The following EIF4E variants were observed in gnomAD, a reference collection of about 807,000 sequenced individuals.
EIF4E encodes eukaryotic translation initiation factor 4E.
For missense variants in EIF4E, 113 were observed against 265.6 expected (o/e 0.43, Z 3.99); for synonymous variants, 71 against 88.5 (o/e 0.80, Z 1.11).
chr4:98,919,408 T>C (rs1408207286), intron 1 of EIF4E, among the ~76,000 whole-genome samples: 2 of 151,820 alleles, frequency 1.3e-5, no homozygotes, highest in African/African-American at 2.4e-5. Context: ...TAACTATCTT[T>C]CAAAGTTTAA....
At chr4:98,886,809 A>AT in intron 5 of EIF4E, 1 of 423,208 alleles carries the variant, frequency 2.4e-6, no homozygotes, top group Non-Finnish European at 4.4e-6. Flanking sequence ...AGGTTCTATA[A>AT]TTTTGAGGTT....
chr4:98,885,790 A>G (rs1723891212), intron 5 of EIF4E, among the ~76,000 whole-genome samples: 1 of 152,192 alleles, frequency 6.6e-6, no homozygotes, highest in South Asian at 2.1e-4. Flanking sequence ...CATAAAATTT[A>G]CCATTTTAAC....
chr4:98,928,158 A>T (rs1721289490), intron 1 of EIF4E, among the ~76,000 whole-genome samples: 1 of 152,204 alleles, frequency 6.6e-6, no homozygotes, highest in African/African-American at 2.4e-5. Context: ...ACCCATTCGC[A>T]TTCTCTGAGG....
At chr4:98,898,224 G>C (rs1013129351) in intron 2 of EIF4E, among the ~76,000 whole-genome samples, 6 of 152,130 alleles carry the variant, frequency 3.9e-5, no homozygotes, top group Admixed American at 3.3e-4. Flanking sequence ...CCTGTGTGAG[G>C]CTGTATTGTC....
chr4:98,879,938 C>T lies in EIF4E; in HGVS notation c.*1090G>A, dbSNP rs796809543. 6.6e-6 allele frequency: 1 copy of T among 152,284 alleles called. No individual in the cohort carries two copies. Among genetic ancestry groups the T allele is most frequent in the East Asian group, 1.9e-4 (1 of 5,194 alleles). The allele number at this position is 152,284 out of a possible 1,614,324, so 9.4% of individuals were successfully genotyped here. ...AAACATAATAATCAAACTAGTGCTCCAAACTTATGCTGTTCACATGGAAGA... is the reference window on the plus strand; with the variant it reads ...AAACATAATAATCAAACTAGTGCTCTAAACTTATGCTGTTCACATGGAAGA... On this transcript the variant is annotated 3_prime_UTR_variant, in exon 7 of 7. Transcript: ENST00000450253.
chr4:98,905,594 C>T (rs1724838672), intron 1 of EIF4E, among the ~76,000 whole-genome samples: 1 of 151,882 alleles, frequency 6.6e-6, no homozygotes, highest in Non-Finnish European at 1.5e-5. Context: ...GCAATGAAAG[C>T]CATTAACTAG....
At chr4:98,928,137 G>A (rs1399187125) in intron 1 of EIF4E, among the ~76,000 whole-genome samples, 1 of 152,214 alleles carries the variant, frequency 6.6e-6, no homozygotes, top group Admixed American at 6.5e-5. Flanking sequence ...CGGAAGAACA[G>A]AGGGATTGAG....
At chr4:98,919,260 G>A (rs949115996) in intron 1 of EIF4E, among the ~76,000 whole-genome samples, 8 of 150,636 alleles carry the variant, frequency 5.3e-5, no homozygotes, top group African/African-American at 1.9e-4. Context: ...ACCCGAGATC[G>A]TGCCACTGCA....
At chr4:98,893,761 C>A (rs190913706) in intron 2 of EIF4E, among the ~76,000 whole-genome samples, 17 of 152,346 alleles carry the variant, frequency 1.1e-4, no homozygotes, top group African/African-American at 4.1e-4. Context: ...AACTCTTGTT[C>A]ATGTTGATAT....
At position 98,885,291 on chromosome 4, in the gene EIF4E, T is replaced by C. The variant is rs553289886; in HGVS notation, c.400-230A>G. Among the ~76,000 whole-genome samples, 20 of 152,374 alleles carry C rather than the reference T, an allele frequency of 1.3e-4. No homozygotes were observed. In the South Asian group the frequency reaches 3.9e-3, roughly 30 times the overall value. On this transcript the variant is annotated intron_variant, in intron 5 of 6. Transcript: ENST00000450253. Reference sequence around the variant, plus strand: ...TCAGCAAATTTGGCAGTTAATGTCATGGCAGACATAAAAGCTGATTTTATT... The same window carrying C: ...TCAGCAAATTTGGCAGTTAATGTCACGGCAGACATAAAAGCTGATTTTATT...
chr4:98,928,606 G>A (rs1225200900), intron 1 of EIF4E, among the ~76,000 whole-genome samples: 1 of 152,040 alleles, frequency 6.6e-6, no homozygotes, highest in Non-Finnish European at 1.5e-5. Context: ...TAAGGAAGAC[G>A]TGCGCGCGCC....
At chr4:98,927,654 CAAAAAAAAAAAAAAAAAAAAA>C (rs774720176) in intron 1 of EIF4E, among the ~76,000 whole-genome samples, 1 of 35,050 alleles carries the variant, frequency 2.9e-5, no homozygotes, top group Non-Finnish European at 5.4e-5. Context: ...GACTCCATCT[CAAAAAAAAAAAAAAAAAAAAA>C]AAAAAAAAAA....
chr4:98,887,058 T>C lies in EIF4E; in HGVS notation c.399+21A>G. 1 of 1,610,180 alleles carries C rather than the reference T, an allele frequency of 6.2e-7. No homozygotes were observed. On this transcript the variant is annotated intron_variant, in intron 5 of 6. Transcript: ENST00000450253. The surrounding 1 kb of genome is among the most constrained non-coding windows in gnomAD (Gnocchi z 4.0). ...ATTCCAAAACTACCTCTAAAACTGC[T>C]TTATACTTTTAAAACCTTACTGTCT...
intron 2 of EIF4E, among the ~76,000 whole-genome samples, chr4:98,898,005 G>A (rs909108737): frequency 1.3e-5 from 2 of 151,972 alleles, no homozygotes; most frequent in African/African-American, 4.8e-5. Context: ...CAGACCAATG[G>A]ATTTTAATGT....
At chr4:98,883,701 T>C (rs996183924) in intron 6 of EIF4E, among the ~76,000 whole-genome samples, 1 of 151,742 alleles carries the variant, frequency 6.6e-6, no homozygotes, top group South Asian at 2.1e-4. Context: ...CTGCGCCTGG[T>C]GTCAAATATT....
intron 2 of EIF4E, among the ~76,000 whole-genome samples, chr4:98,896,504 A>AAC (rs1553932076): frequency 5.4e-5 from 8 of 148,890 alleles, no homozygotes; most frequent in African/African-American, 9.9e-5. Context: ...AAAAAAAAAA[A>AAC]AAAAAACACC....
At chr4:98,896,495 A>AAAAAAAG in intron 2 of EIF4E, among the ~76,000 whole-genome samples, 1 of 147,786 alleles carries the variant, frequency 6.8e-6, no homozygotes, top group African/African-American at 2.5e-5. Flanking sequence ...TCAAAAAAAA[A>AAAAAAAG]AAAAAAAAAA....
chr4:98,886,956 C>A, intron 5 of EIF4E, 123 bp downstream of exon 5: 1 of 981,626 alleles, frequency 1.0e-6, no homozygotes, highest in Non-Finnish European at 1.6e-6. Flanking sequence ...AATTACTGAC[C>A]CTGATTTTCT....
rs376184553 is a variant in EIF4E at position 98,901,956 on chromosome 4, C to T, written c.45G>A (p.Pro15=). 145 of 1,613,262 alleles carry T rather than the reference C, an allele frequency of 9.0e-5. 1 individual carries two copies. The highest frequency in any genetic ancestry group is 1.1e-4 in the Non-Finnish European group (129 of 1,179,902). ...EPETTPTPNP[P]TTEEEKTESN... ...ATTCCGTTTTCTCCTCTTCTGTAGTCGGGGGATTAGGAGTAGGGGTGGTTT... is the reference window on the plus strand; with the variant it reads ...ATTCCGTTTTCTCCTCTTCTGTAGTTGGGGGATTAGGAGTAGGGGTGGTTT... Residue 15 remains proline (P), a synonymous_variant, in exon 2 of 7, where the codon CCG becomes CCA. Coordinates refer to ENST00000450253, the MANE Select transcript of EIF4E (RefSeq NM_001968.5).
Sources: allele counts gnomAD v4.1 joint callset (sites outside exome capture counted in the v4.1 genomes callset), GRCh38; gene constraint gnomAD v4.1.1; non-coding constraint Gnocchi (gnomAD v3.1); transcripts MANE v1.5; gene names NCBI Gene and HGNC (gene_info 2026-07-23, HGNC 2026-07-21).